Variants in CREB3L1 observed in about 807,000 individuals in gnomAD.
The protein encoded by CREB3L1 is cyclic AMP-responsive element-binding protein 3-like protein 1.
CREB3L1 carries 33 observed loss-of-function variants against 54.5 expected under a neutral mutation model. The observed-to-expected ratio is 0.61, with a 90% CI of 0.46 to 0.81. The LOEUF is 0.81. Among genes scored for constraint, CREB3L1 ranks in the 30% least tolerant of loss-of-function variants. The probability of loss-of-function intolerance (pLI) is 0.00; values close to 1 mark genes in which losing one functional copy is unlikely to be tolerated. For synonymous variants in CREB3L1, 284 were observed against 286.4 expected, an observed-to-expected ratio of 0.99 and a Z score of 0.08; for missense variants, 656 against 673.3, an observed-to-expected ratio of 0.97 and a Z score of 0.29.
chr11:46,280,376 G>C (rs1203046294), intron 1 of CREB3L1, among the ~76,000 whole-genome samples: 1 of 151,782 alleles, frequency 6.6e-6, no homozygotes, highest in Non-Finnish European at 1.5e-5. Flanking sequence ...ATTTTTAGTA[G>C]AGACGGGGTT....
At position 46,278,289 on chromosome 11, in the gene CREB3L1, C is replaced by T; in HGVS notation, c.102+76C>T. ...CGGCGCGCCTGGGCCCCTAGAAGGACCCGACTACACATCACTGGGCAGGAG... is the reference window on the plus strand; with the variant it reads ...CGGCGCGCCTGGGCCCCTAGAAGGATCCGACTACACATCACTGGGCAGGAG... On this transcript the variant is annotated intron_variant, in intron 1 of 11. Transcript: ENST00000621158. This position sits in a 1 kb window ranked among gnomAD's most constrained non-coding sequence, Gnocchi z 4.2. The T allele has an allele frequency of 1.2e-6, 1 of 866,386 alleles. No individual in the cohort carries two copies. The highest frequency in any genetic ancestry group is 1.6e-5 in the South Asian group (1 of 62,282). The allele number at this position is 866,386 out of a possible 1,614,324, so 53.7% of individuals were successfully genotyped here. A position where few individuals can be genotyped will look rare whatever the true frequency, so the allele number is the denominator to read the frequency against.
intron 1 of CREB3L1, among the ~76,000 whole-genome samples, chr11:46,289,713 G>A (rs1050332590): frequency 1.3e-5 from 2 of 152,190 alleles, no homozygotes; most frequent in African/African-American, 4.8e-5. Flanking sequence ...TTAAGGAGCT[G>A]GGAATGGTCC....
intron 2 of CREB3L1, among the ~76,000 whole-genome samples, chr11:46,301,769 G>A (rs774773244): frequency 6.6e-6 from 1 of 151,954 alleles, no homozygotes; most frequent in Non-Finnish European, 1.5e-5. Flanking sequence ...GACCAGCCTG[G>A]TCAACATGGT....
At chr11:46,319,064 G>A (rs1939608966) in intron 10 of CREB3L1, among the ~76,000 whole-genome samples, 1 of 152,222 alleles carries the variant, frequency 6.6e-6, no homozygotes, top group African/African-American at 2.4e-5. Flanking sequence ...GGAGAAAAAG[G>A]AGTGGAAAGA....
intron 3 of CREB3L1, among the ~76,000 whole-genome samples, chr11:46,309,033 C>T (rs947069754): frequency 6.6e-6 from 1 of 152,178 alleles, no homozygotes; most frequent in Non-Finnish European, 1.5e-5. Context: ...CAAATTCGGC[C>T]TGCCAGACCC....
intron 3 of CREB3L1, among the ~76,000 whole-genome samples, chr11:46,309,251 A>G (rs1939449184): frequency 6.6e-6 from 1 of 152,058 alleles, no homozygotes; most frequent in South Asian, 2.1e-4. Flanking sequence ...CGTCCCACCC[A>G]CAATATCATG....
chr11:46,300,821 C>T (rs1320326777), intron 2 of CREB3L1, among the ~76,000 whole-genome samples: 1 of 151,278 alleles, frequency 6.6e-6, no homozygotes, highest in Non-Finnish European at 1.5e-5. Flanking sequence ...CTGGCTAACA[C>T]AGTGAAACCC....
At chr11:46,293,929 G>T (rs547739810) in intron 1 of CREB3L1, among the ~76,000 whole-genome samples, 10 of 152,300 alleles carry the variant, frequency 6.6e-5, no homozygotes, top group African/African-American at 1.9e-4. Context: ...GTCTTGTTGA[G>T]TTTGTGTTCA....
intron 1 of CREB3L1, among the ~76,000 whole-genome samples, chr11:46,280,191 TTTTTTG>T (rs1310627167): frequency 4.0e-5 from 4 of 99,344 alleles, no homozygotes; most frequent in Admixed American, 1.7e-4. Context: ...TTGTTTTTTG[TTTTTTG>T]TTTTTTTTCA....
chr11:46,312,337 A>G lies in CREB3L1; in HGVS notation c.766A>G (p.Thr256Ala), dbSNP rs892424718. The change falls in exon 6 of 12, where the codon ACA becomes GCA. Residue 256 changes from threonine to alanine, a missense_variant. By Grantham distance (58) the Thr-to-Ala change is moderately conservative (BLOSUM62 0). Around this residue, in one of 3 missense-constraint regions of CREB3L1, gnomAD observed 77 missense variants for 122.0 expected, o/e 0.63. Coordinates refer to ENST00000621158, the MANE Select transcript of CREB3L1 (RefSeq NM_052854.4). ...LLTAPHKLQG[T>A]SGPLLLTEEE... Reference sequence around the variant, plus strand: ...ATACTTCCTACAGAAATTACAGGGGACATCAGGGCCACTGCTCCTGACAGA... The same window carrying G: ...ATACTTCCTACAGAAATTACAGGGGGCATCAGGGCCACTGCTCCTGACAGA... The G allele has an allele frequency of 1.3e-6, 2 of 1,599,754 alleles. No individual in the cohort carries two copies. The highest frequency in any genetic ancestry group is 1.8e-5 in the Admixed American group (1 of 56,912).
intron 2 of CREB3L1, among the ~76,000 whole-genome samples, chr11:46,303,380 C>T (rs1349869733): frequency 1.3e-5 from 2 of 152,238 alleles, no homozygotes; most frequent in African/African-American, 2.4e-5. Context: ...TGCAGTGGCT[C>T]AGGCCTGTAA....
Position 46,295,656 on chromosome 11 carries a change from C to T in CREB3L1, c.103-4279C>T, listed in dbSNP as rs1435551818. 6.6e-6 allele frequency among the ~76,000 whole-genome samples: 1 copy of T among 152,242 alleles called. No individual in the cohort carries two copies. Among genetic ancestry groups the T allele is most frequent in the Non-Finnish European group, 1.5e-5 (1 of 68,038 alleles). ...CCACGCCGCCACCGGCTGCTGCTCG[C>T]AGCCTCCCGCCATTGGCCAGGAGCT... On this transcript the variant is annotated intron_variant, in intron 1 of 11. Coordinates refer to ENST00000621158, the MANE Select transcript of CREB3L1 (RefSeq NM_052854.4). This position sits in a 1 kb window ranked among gnomAD's most constrained non-coding sequence, Gnocchi z 4.6.
At position 46,311,260 on chromosome 11, in the gene CREB3L1, T is replaced by TC. The variant is rs149913359; in HGVS notation, c.753+72dup. The TC allele has an allele frequency of 7.6e-3, 10,757 of 1,424,282 alleles. 704 individuals are homozygous for TC. The African/African-American group carries it at 0.14, about 18-fold the overall frequency. 88.2% of individuals were successfully genotyped at this position (1,424,282 alleles called of 1,614,324 possible). ...ACATCCACCTGAGCACACTGGCCAG[T>TC]CAGGAGGGTTTGGGGAGCCCCGAGA... On this transcript the variant is annotated intron_variant, in intron 5 of 11. Transcript: ENST00000621158.
At chr11:46,296,006 C>G (rs2136342650) in intron 1 of CREB3L1, among the ~76,000 whole-genome samples, 1 of 152,308 alleles carries the variant, frequency 6.6e-6, no homozygotes, top group South Asian at 2.1e-4. Flanking sequence ...ATAATATGTC[C>G]TTCTCCGGCT....
chr11:46,312,575 G>T (rs1461705423), intron 6 of CREB3L1, 37 bp from the exon 7 acceptor site: 1 of 1,608,504 alleles, frequency 6.2e-7, no homozygotes, highest in Non-Finnish European at 8.5e-7. Context: ...TGAATATGTG[G>T]CAGTGCTAAC....
intron 8 of CREB3L1, among the ~76,000 whole-genome samples, chr11:46,313,686 A>AC (rs1347980930): frequency 6.6e-6 from 1 of 152,106 alleles, no homozygotes; most frequent in East Asian, 1.9e-4. Context: ...TCAAAAAAAA[A>AC]AATGCAGAAT....
At position 46,278,084 on chromosome 11, in the gene CREB3L1, T is replaced by C. The variant is rs921390791; in HGVS notation, c.-28T>C. On this transcript the variant is annotated 5_prime_UTR_variant, in exon 1 of 12. Coordinates refer to ENST00000621158, the MANE Select transcript of CREB3L1 (RefSeq NM_052854.4). This position sits in a 1 kb window ranked among gnomAD's most constrained non-coding sequence, Gnocchi z 4.2. ...CCGCCCTGGAGTGAGGGAAGCCCAG[T>C]GGAAGGGGGTCCCGGGAGCCGGCTG... 1 of 1,468,410 alleles carries C rather than the reference T, an allele frequency of 6.8e-7. No individual in the cohort carries two copies. Among genetic ancestry groups the C allele is most frequent in the Non-Finnish European group, 9.3e-7 (1 of 1,078,122 alleles). 91.0% of individuals were successfully genotyped at this position (1,468,410 alleles called of 1,614,324 possible). A position where few individuals can be genotyped will look rare whatever the true frequency, so the allele number is the denominator to read the frequency against.
At chr11:46,285,316 A>G (rs1179806848) in intron 1 of CREB3L1, among the ~76,000 whole-genome samples, 1 of 152,074 alleles carries the variant, frequency 6.6e-6, no homozygotes, top group Non-Finnish European at 1.5e-5. Context: ...TGGGGGCAGG[A>G]TGGAGGAGGA....
intron 1 of CREB3L1, among the ~76,000 whole-genome samples, chr11:46,279,514 T>C (rs149536574): frequency 1.3e-5 from 2 of 152,298 alleles, no homozygotes; most frequent in Admixed American, 6.5e-5. Context: ...AGGGCTTGCA[T>C]TGACTGCAGC....
Sources: allele counts gnomAD v4.1 joint callset (sites outside exome capture counted in the v4.1 genomes callset), GRCh38; gene constraint gnomAD v4.1.1; regional missense constraint gnomAD v4.1.1; non-coding constraint Gnocchi (gnomAD v3.1); transcripts MANE v1.5; gene names NCBI Gene and HGNC (gene_info 2026-07-23, HGNC 2026-07-21).